Variants in TRPM7 observed in about 807,000 individuals in gnomAD.
The protein encoded by TRPM7 is transient receptor potential cation channel subfamily M member 7, also known as LTRPC ion channel family member 7.
Under a neutral mutation model 229.7 loss-of-function variants are expected in TRPM7, and 134 were observed. The ratio of observed to expected loss-of-function variants is 0.58; its 90% confidence interval spans 0.51 to 0.67. TRPM7 has a LOEUF of 0.67. TRPM7 is among the 30% of genes least tolerant of loss of function. The pLI is 0.00. For synonymous variants in TRPM7, 699 were observed against 715.2 expected (o/e 0.98, Z 0.36); for missense variants, 1,901 against 2,210.0 (o/e 0.86, Z 2.80).
chr15:50,625,174 A>G (rs1384044497), intron 11 of TRPM7, among the ~76,000 whole-genome samples: 2 of 152,136 alleles, frequency 1.3e-5, no homozygotes, highest in African/African-American at 4.8e-5. Flanking sequence ...ATATTTTTTA[A>G]TATTTTGTAT....
intron 7 of TRPM7, among the ~76,000 whole-genome samples, chr15:50,635,784 C>G (rs1460917492): frequency 6.6e-6 from 1 of 151,388 alleles, no homozygotes; most frequent in African/African-American, 2.4e-5. Flanking sequence ...CAAAAGCAGC[C>G]TGGCCAACAT....
At chr15:50,618,713 C>A (rs1319806383) in intron 13 of TRPM7, among the ~76,000 whole-genome samples, 4 of 151,996 alleles carry the variant, frequency 2.6e-5, no homozygotes, top group Non-Finnish European at 4.4e-5. Context: ...TTTAGTGTAC[C>A]TATTATCTGA....
rs974181969 is a variant in TRPM7 at position 50,657,305 on chromosome 15, C to A, written c.122+476G>T. Among the ~76,000 whole-genome samples, 3 of 152,182 alleles carry A rather than the reference C, an allele frequency of 2.0e-5. No individual in the cohort carries two copies. The East Asian group carries it at 5.8e-4, about 29-fold the overall frequency. ...TGCCACTGCACTCCAGCCTGGGTAA[C>A]AGAGCAAGACTCCGTCTCAAAATAA... On this transcript the variant is annotated intron_variant, in intron 3 of 38. Transcript: ENST00000646667.
At chr15:50,667,758 T>C (rs113267406) in intron 1 of TRPM7, among the ~76,000 whole-genome samples, 9 of 152,162 alleles carry the variant, frequency 5.9e-5, no homozygotes, top group African/African-American at 1.9e-4. Context: ...ATTGGATCAA[T>C]TTGTCTATAA....
intron 27 of TRPM7, among the ~76,000 whole-genome samples, chr15:50,587,372 G>T (rs1171078917): frequency 6.9e-6 from 1 of 145,180 alleles, no homozygotes; most frequent in Non-Finnish European, 1.5e-5. Context: ...TGTTTGGAAA[G>T]CCCTGAAGGC....
chr15:50,640,309 T>C (rs1026694597), intron 5 of TRPM7, among the ~76,000 whole-genome samples: 1 of 152,206 alleles, frequency 6.6e-6, no homozygotes, highest in East Asian at 1.9e-4. Context: ...TCTCACTCTA[T>C]TGCCCAGGCT....
chr15:50,596,301 A>G lies in TRPM7; in HGVS notation c.3244T>C (p.Phe1082Leu). 6.2e-7 allele frequency: 1 copy of G among 1,600,932 alleles called. No homozygotes were observed. The change falls in exon 23 of 39, where the codon TTT becomes CTT. Residue 1082 changes from phenylalanine (F) to leucine (L), a missense_variant. This residue lies in a region of TRPM7 where 89 missense variants were observed against 178.2 expected (regional missense o/e 0.50). Coordinates refer to ENST00000646667, the MANE Select transcript of TRPM7 (RefSeq NM_017672.6). ...TTAACCATAATGATATACTGTACAA[A>G]GAGGTAGACTGCTTGAAGAAATGGA... ...LTPFLQAVYL[F>L]VQYIIMVNLL...
At chr15:50,567,951 C>T (rs646171) in intron 38 of TRPM7, among the ~76,000 whole-genome samples, 11,387 of 151,692 alleles carry the variant, frequency 0.075, 555 homozygotes, top group South Asian at 0.12. Flanking sequence ...CGGTGGCAGG[C>T]GCCTGTAGTC....
chr15:50,613,786 G>T lies in TRPM7; in HGVS notation c.1691C>A (p.Ser564Tyr), dbSNP rs2060132648. 6.2e-7 allele frequency: 1 copy of T among 1,613,828 alleles called. No homozygotes were observed. The highest frequency in any genetic ancestry group is 1.1e-5 in the South Asian group (1 of 91,080). ...CTTTTTATCTGCCCTATTGCCAAAA[G>T]ATTCATGACTCTTTCGCAACTGAGG... is the stretch of plus-strand genomic sequence containing the variant. ...STPQLRKSHE[S>Y]FGNRADKKEK... is the part of the protein sequence containing the mutation. The change falls in exon 15 of 39, where the codon TCT becomes TAT. Residue 564 changes from serine (S) to tyrosine (Y), a missense_variant. Coordinates refer to ENST00000646667, the MANE Select transcript of TRPM7 (RefSeq NM_017672.6).
At chr15:50,564,419 G>A (rs2053495622) in intron 38 of TRPM7, among the ~76,000 whole-genome samples, 1 of 151,742 alleles carries the variant, frequency 6.6e-6, no homozygotes. Context: ...ATATTTATAG[G>A]TATGGGACAA....
chr15:50,666,918 C>A (rs1321530590), intron 1 of TRPM7, among the ~76,000 whole-genome samples: 2 of 152,082 alleles, frequency 1.3e-5, no homozygotes, highest in African/African-American at 4.8e-5. Context: ...CTGGAGTAGC[C>A]ATTCTTCTGT....
Position 50,583,143 on chromosome 15 carries a change from TCTA to T in TRPM7, c.4500_4502del (p.Ser1500del), listed in dbSNP as rs148771191. 3.9e-3 allele frequency: 6,218 copies of T among 1,604,776 alleles called. 213 individuals carry two copies. In the African/African-American group the frequency reaches 0.072, roughly 18 times the overall value. On this transcript the variant is annotated inframe_deletion, in exon 29 of 39. Transcript: ENST00000646667. ...CATGAGTGTCTTCGGTAGATGGCCT[TCTA>T]CTGATTTTTTCTGCTAAAAGAAAAT...
intron 25 of TRPM7, among the ~76,000 whole-genome samples, chr15:50,593,280 T>G (rs1204935011): frequency 6.6e-6 from 1 of 151,798 alleles, no homozygotes; most frequent in Non-Finnish European, 1.5e-5. Context: ...AAGAGGAGAC[T>G]CTGTCTCAAA....
chr15:50,670,323 C>T (rs1056019118), intron 1 of TRPM7, among the ~76,000 whole-genome samples: 1 of 152,052 alleles, frequency 6.6e-6, no homozygotes, highest in Non-Finnish European at 1.5e-5. Context: ...ACCTGCTGGG[C>T]TGCATTCCCA....
intron 22 of TRPM7, among the ~76,000 whole-genome samples, chr15:50,597,875 C>T (rs1228793393): frequency 1.3e-5 from 2 of 151,890 alleles, no homozygotes; most frequent in East Asian, 1.9e-4. Context: ...GCCAAGACCA[C>T]ACCACTGCAC....
chr15:50,600,131 G>A (rs1314336412), intron 21 of TRPM7, among the ~76,000 whole-genome samples: 1 of 152,148 alleles, frequency 6.6e-6, no homozygotes, highest in East Asian at 1.9e-4. Flanking sequence ...GTCTAGCCTA[G>A]ACAATATAAA....
At chr15:50,568,068 G>A in intron 38 of TRPM7, among the ~76,000 whole-genome samples, 1 of 105,366 alleles carries the variant, frequency 9.5e-6, no homozygotes, top group Non-Finnish European at 1.7e-5. Context: ...AACAGAGCGA[G>A]ACTCCGTCTC....
intron 6 of TRPM7, among the ~76,000 whole-genome samples, 162 bp downstream of exon 6, chr15:50,639,262 T>C (rs974097295): frequency 7.9e-5 from 12 of 152,322 alleles, no homozygotes; most frequent in African/African-American, 2.6e-4. Context: ...TATTTATATT[T>C]ATGCATTTCC....
intron 12 of TRPM7, among the ~76,000 whole-genome samples, chr15:50,620,135 T>C (rs1466030409): frequency 6.6e-6 from 1 of 152,208 alleles, no homozygotes; most frequent in African/African-American, 2.4e-5. Flanking sequence ...CCTCTGTTTC[T>C]GTCACTAATA....
Sources: allele counts gnomAD v4.1 joint callset (sites outside exome capture counted in the v4.1 genomes callset), GRCh38; gene constraint gnomAD v4.1.1; regional missense constraint gnomAD v4.1.1; transcripts MANE v1.5; gene names NCBI Gene and HGNC (gene_info 2026-07-23, HGNC 2026-07-21).